The following LRRC2 variants were observed in gnomAD, a reference collection of about 807,000 sequenced individuals.
LRRC2 encodes the protein leucine-rich repeat-containing protein 2.
LRRC2 carries 27 observed loss-of-function variants against 40.2 expected under a neutral mutation model. The observed-to-expected ratio is 0.67, with a 90% CI of 0.49 to 0.93. LRRC2 has a LOEUF of 0.93. Among genes scored for constraint, LRRC2 ranks in the 40% least tolerant of loss-of-function variants. The probability of loss-of-function intolerance (pLI) is 0.00; values close to 1 mark genes in which losing one functional copy is unlikely to be tolerated. For synonymous variants in LRRC2, 147 were observed against 158.9 expected (o/e 0.92, Z 0.56); for missense variants, 402 against 439.6 (o/e 0.91, Z 0.76).
chr3:46,562,241 A>G (rs779877467), intron 1 of LRRC2, among the ~76,000 whole-genome samples: 9 of 152,298 alleles, frequency 5.9e-5, no homozygotes, highest in East Asian at 1.9e-4. Flanking sequence ...GAAAAGCTTC[A>G]CAAGGAGAGG....
rs1212603114 is a variant in LRRC2, at chr3:46,525,944, T to C, written c.929+1482A>G. Among the ~76,000 whole-genome samples the C allele has an allele frequency of 2.0e-5, 3 of 152,186 alleles. No individual in the cohort carries two copies. The East Asian group carries it at 5.8e-4, about 29-fold the overall frequency. On this transcript the variant is annotated intron_variant, in intron 7 of 8. Transcript: ENST00000395905. ...CTATTTTTCTACAGGTTATTTCCTTTTTTTCTTGTTTCTTTTTTTTTCTTT... is the reference window on the plus strand; with the variant it reads ...CTATTTTTCTACAGGTTATTTCCTTCTTTTCTTGTTTCTTTTTTTTTCTTT...
intron 3 of LRRC2, among the ~76,000 whole-genome samples, chr3:46,542,873 G>A (rs894263567): frequency 5.9e-5 from 9 of 152,176 alleles, no homozygotes; most frequent in Admixed American, 1.3e-4. Flanking sequence ...CCTAAGGGCC[G>A]CAGCAGATCT....
intron 1 of LRRC2, chr3:46,559,049 A>G (rs765617836): frequency 7.9e-5 from 12 of 152,366 alleles, no homozygotes; most frequent in Non-Finnish European, 1.6e-4. Context: ...CATATTTCAA[A>G]ATCACTGAAA....
At chr3:46,531,807 T>C (rs575530883) in intron 5 of LRRC2, among the ~76,000 whole-genome samples, 2 of 152,262 alleles carry the variant, frequency 1.3e-5, no homozygotes, top group South Asian at 2.1e-4. Flanking sequence ...AGGAAAATAA[T>C]GCCCCTTCTA....
intron 7 of LRRC2, among the ~76,000 whole-genome samples, chr3:46,522,144 G>A (rs1703974818): frequency 6.6e-6 from 1 of 152,138 alleles, no homozygotes; most frequent in African/African-American, 2.4e-5. Flanking sequence ...GGAGGCTGAG[G>A]CGGGTGGATC....
intron 3 of LRRC2, among the ~76,000 whole-genome samples, chr3:46,540,524 CAAA>C (rs757946336): frequency 5.7e-5 from 5 of 87,348 alleles, no homozygotes; most frequent in Non-Finnish European, 2.5e-5. Flanking sequence ...GACTCCATCT[CAAA>C]AAAAAAAAAA....
At chr3:46,541,259 G>C (rs1488801155) in intron 3 of LRRC2, among the ~76,000 whole-genome samples, 1 of 151,156 alleles carries the variant, frequency 6.6e-6, no homozygotes, top group Non-Finnish European at 1.5e-5. Context: ...TGTGAACCCG[G>C]GAAGCGGACC....
intron 8 of LRRC2, among the ~76,000 whole-genome samples, chr3:46,520,516 T>C (rs1415857111): frequency 1.3e-5 from 2 of 152,192 alleles, no homozygotes; most frequent in South Asian, 2.1e-4. Flanking sequence ...AAAGTAACCA[T>C]ATAGAAATTT....
At position 46,518,893 on chromosome 3, in the gene LRRC2, A is replaced by G; in HGVS notation, c.*121T>C. 4 of 733,884 alleles carry G rather than the reference A, an allele frequency of 5.5e-6. No individual in the cohort carries two copies. Among genetic ancestry groups the G allele is most frequent in the South Asian group, 1.7e-5 (1 of 59,380 alleles). The allele number at this position is 733,884 out of a possible 1,614,324, so 45.5% of individuals were successfully genotyped here. A position where few individuals can be genotyped will look rare whatever the true frequency, so the allele number is the denominator to read the frequency against. On this transcript the variant is annotated 3_prime_UTR_variant, in exon 9 of 9. Transcript: ENST00000395905. ...TTGAAAACCATTTTTTTTAGCAACT[A>G]TGATAGTGGTTTCTAGACTTTGTCC...
At chr3:46,534,423 C>CTTTCTTTCTTTCTTTCTTTCTTTCTTT (rs1559412272) in intron 4 of LRRC2, among the ~76,000 whole-genome samples, 2 of 101,022 alleles carry the variant, frequency 2.0e-5, no homozygotes, top group Non-Finnish European at 4.1e-5. Flanking sequence ...TTCCTTCCTT[C>CTTTCTTTCTTTCTTTCTTTCTTTCTTT]CTTTCTTTCT....
rs552774126 is a variant in LRRC2, at chr3:46,524,969, A to G, written c.929+2457T>C. 9.1e-4 allele frequency among the ~76,000 whole-genome samples: 139 copies of G among 152,166 alleles called. 1 individual carries two copies. Among genetic ancestry groups the G allele is most frequent in the African/African-American group, 3.2e-3 (132 of 41,528 alleles). ...GCTTATGAAAATTCCTATATCATGTATTAGCATTGATTTCAGGACTACCTA... is the reference window on the plus strand; with the variant it reads ...GCTTATGAAAATTCCTATATCATGTGTTAGCATTGATTTCAGGACTACCTA... On this transcript the variant is annotated intron_variant, in intron 7 of 8. Coordinates refer to ENST00000395905, the MANE Select transcript of LRRC2 (RefSeq NM_024512.5).
At chr3:46,545,941 C>T (rs1041104709) in intron 2 of LRRC2, among the ~76,000 whole-genome samples, 1 of 152,172 alleles carries the variant, frequency 6.6e-6, no homozygotes, top group Non-Finnish European at 1.5e-5. Flanking sequence ...CTGTTTGAGG[C>T]CTTTAACATA....
intron 4 of LRRC2, among the ~76,000 whole-genome samples, chr3:46,533,775 T>TTTTC (rs530379114): frequency 1.1e-4 from 10 of 92,928 alleles, no homozygotes; most frequent in African/African-American, 1.3e-4. Flanking sequence ...CCTCCCTCTC[T>TTTTC]TTTCTTTCTT....
chr3:46,557,977 C>T (rs1050293237), intron 1 of LRRC2: 2 of 152,218 alleles, frequency 1.3e-5, no homozygotes, highest in Non-Finnish European at 2.9e-5. Context: ...TGAAGAAAGT[C>T]GAAATACAAG....
chr3:46,519,172 C>T, intron 8 of LRRC2, 109 bp from the exon 9 acceptor site: 1 of 779,390 alleles, frequency 1.3e-6, no homozygotes, highest in Admixed American at 1.8e-5. Context: ...CCATTATTGT[C>T]ACTTCATGTT....
At chr3:46,540,289 C>A (rs1704358090) in intron 3 of LRRC2, among the ~76,000 whole-genome samples, 1 of 152,178 alleles carries the variant, frequency 6.6e-6, no homozygotes, top group African/African-American at 2.4e-5. Flanking sequence ...ATTTGGGAGG[C>A]CAAGGCGGGT....
intron 5 of LRRC2, among the ~76,000 whole-genome samples, chr3:46,531,111 A>C (rs907767352): frequency 6.6e-6 from 1 of 152,000 alleles, no homozygotes; most frequent in African/African-American, 2.4e-5. Context: ...AAACTGATGG[A>C]ATTAAAAGGA....
At chr3:46,561,146 G>A (rs1704929635) in intron 1 of LRRC2, among the ~76,000 whole-genome samples, 1 of 152,120 alleles carries the variant, frequency 6.6e-6, no homozygotes, top group African/African-American at 2.4e-5. Context: ...ACCATCCGGA[G>A]TAGTTAGCAT....
At chr3:46,563,023 G>T (rs753989490) in intron 1 of LRRC2, among the ~76,000 whole-genome samples, 7 of 152,070 alleles carry the variant, frequency 4.6e-5, no homozygotes, top group Non-Finnish European at 1.0e-4. Context: ...ACTGTACTCG[G>T]CCAGAAGTCA....
Sources: allele counts gnomAD v4.1 joint callset (sites outside exome capture counted in the v4.1 genomes callset), GRCh38; gene constraint gnomAD v4.1.1; transcripts MANE v1.5; gene names NCBI Gene and HGNC (gene_info 2026-07-23, HGNC 2026-07-21).